The following SYCP1 variants were observed in gnomAD, a reference collection of about 807,000 sequenced individuals.
SYCP1 encodes the protein synaptonemal complex protein 1.
A neutral mutation model predicts 153.1 loss-of-function variants in SYCP1; 64 were observed. The ratio of observed to expected loss-of-function variants is 0.42; its 90% CI spans 0.34 to 0.51. The LOEUF (loss-of-function observed/expected upper bound fraction) is 0.51. Among genes scored for constraint, SYCP1 ranks in the 20% least tolerant of loss-of-function variants. SYCP1 has a pLI of 0.06. For missense variants in SYCP1, 997 were observed against 1,049.0 expected, an observed-to-expected ratio of 0.95 and a Z score of 0.68; for synonymous variants, 384 against 341.8, an observed-to-expected ratio of 1.12 and a Z score of -1.36.
intron 12 of SYCP1, among the ~76,000 whole-genome samples, chr1:114,879,790 C>T (rs532221455): frequency 3.2e-4 from 49 of 152,246 alleles, no homozygotes; most frequent in Middle Eastern, 3.4e-3. Flanking sequence ...TATGTATCTT[C>T]CACTTGTTTT....
intron 17 of SYCP1, among the ~76,000 whole-genome samples, chr1:114,910,889 A>G (rs1246391487): frequency 3.3e-5 from 5 of 152,128 alleles, no homozygotes; most frequent in Non-Finnish European, 7.4e-5. Flanking sequence ...CATCCCCTCA[A>G]GTAGCTAGGA....
At chr1:114,867,828 C>G (rs1224843839) in intron 8 of SYCP1, among the ~76,000 whole-genome samples, 1 of 151,794 alleles carries the variant, frequency 6.6e-6, no homozygotes, top group East Asian at 1.9e-4. Context: ...ACATCCTTGC[C>G]TTGTTCCTGA....
chr1:114,863,940 G>A (rs184890860), intron 8 of SYCP1, among the ~76,000 whole-genome samples: 2 of 151,214 alleles, frequency 1.3e-5, no homozygotes, highest in African/African-American at 4.9e-5. Context: ...CATGGACACA[G>A]GGAGGGGAAC....
intron 20 of SYCP1, among the ~76,000 whole-genome samples, chr1:114,922,312 C>T (rs958154898): frequency 6.6e-5 from 10 of 152,064 alleles, no homozygotes; most frequent in African/African-American, 2.4e-4. Flanking sequence ...GGCATGTCTA[C>T]TAGGCATTCT....
At position 114,874,549 on chromosome 1, in the gene SYCP1, A is replaced by C; in HGVS notation, c.642A>C (p.Leu214=). 6.3e-7 allele frequency: 1 copy of C among 1,577,312 alleles called. No homozygotes were observed. The highest frequency in any genetic ancestry group is 1.8e-5 in the Admixed American group (1 of 55,322). Residue 214 remains leucine (L), a synonymous_variant, in exon 9 of 32, where the codon CTA becomes CTC. Coordinates refer to ENST00000369522, the MANE Select transcript of SYCP1 (RefSeq NM_003176.4). ...AAACCAGGCAAGTTTATATGGATCT[A>C]AATAATAACATTGAGGTGAGTGTTA... ...REETRQVYMD[L]NNNIEKMITA...
intron 23 of SYCP1, among the ~76,000 whole-genome samples, chr1:114,941,820 A>G (rs1440708208): frequency 2.6e-5 from 4 of 152,162 alleles, no homozygotes; most frequent in Admixed American, 2.6e-4. Context: ...CTTAACACAT[A>G]CTTTTTCATG....
intron 27 of SYCP1, among the ~76,000 whole-genome samples, chr1:114,969,560 G>A (rs1178197910): frequency 6.6e-6 from 1 of 152,210 alleles, no homozygotes; most frequent in Non-Finnish European, 1.5e-5. Flanking sequence ...TTTGAAGCCA[G>A]TGGATCTTAG....
At chr1:114,958,852 C>T (rs1671605329) in intron 27 of SYCP1, among the ~76,000 whole-genome samples, 1 of 150,774 alleles carries the variant, frequency 6.6e-6, no homozygotes, top group South Asian at 2.1e-4. Flanking sequence ...ATGGCATGAA[C>T]CTGGGAGGTG....
chr1:114,984,830 G>T lies in SYCP1; in HGVS notation c.2665G>T (p.Asp889Tyr). Residue 889 changes from aspartate to tyrosine, a missense_variant, in exon 30 of 32, where the codon GAT becomes TAT. Transcript: ENST00000369522. Reference sequence around the variant, plus strand: ...AAAGAGAAAAATGGCCTTTGAATTTGATATTAATTCAGATAGTTCAGAAAC... The same window carrying T: ...AAAGAGAAAAATGGCCTTTGAATTTTATATTAATTCAGATAGTTCAGAAAC... The part of the protein sequence containing the change: ...KKKRKMAFEF[D>Y]INSDSSETTD... 6.7e-7 allele frequency: 1 copy of T among 1,483,956 alleles called. No individual in the cohort carries two copies. Among genetic ancestry groups the T allele is most frequent in the South Asian group, 1.4e-5 (1 of 72,150 alleles). 91.9% of individuals were successfully genotyped at this position (1,483,956 alleles called of 1,614,324 possible).
intron 27 of SYCP1, among the ~76,000 whole-genome samples, chr1:114,969,976 C>T (rs1454570168): frequency 6.6e-6 from 1 of 152,178 alleles, no homozygotes; most frequent in East Asian, 1.9e-4. Flanking sequence ...GGGCTGCACC[C>T]ACTGTCTAAC....
intron 11 of SYCP1, among the ~76,000 whole-genome samples, chr1:114,877,725 T>G (rs1160712619): frequency 6.6e-6 from 1 of 152,184 alleles, no homozygotes; most frequent in African/African-American, 2.4e-5. Flanking sequence ...TCTAAATTCT[T>G]GCTTGTGGAT....
chr1:114,979,899 T>A (rs1482315828), intron 28 of SYCP1, among the ~76,000 whole-genome samples: 1 of 151,902 alleles, frequency 6.6e-6, no homozygotes, highest in Admixed American at 6.6e-5. Flanking sequence ...CCTAGTTCAA[T>A]GATTTTTTTA....
intron 8 of SYCP1, among the ~76,000 whole-genome samples, chr1:114,869,200 C>G (rs1664955274): frequency 6.6e-6 from 1 of 152,038 alleles, no homozygotes. Flanking sequence ...TCAGTTTTTC[C>G]TGTATCGCAC....
At chr1:114,884,294 A>C (rs1005291766) in intron 12 of SYCP1, among the ~76,000 whole-genome samples, 2 of 152,094 alleles carry the variant, frequency 1.3e-5, no homozygotes, top group East Asian at 3.9e-4. Flanking sequence ...GTGTCATTCT[A>C]TCTCTTCTGT....
Position 114,991,960 on chromosome 1 carries a change from G to A in SYCP1, c.2704-2738G>A, listed in dbSNP as rs1673956116. ...ATAAATAAATTCAGCAAAGTTGTAG[G>A]GTACAATATCAACATACAAAAATTG... is the stretch of plus-strand genomic sequence containing the variant. On this transcript the variant is annotated intron_variant, in intron 30 of 31. Transcript: ENST00000369522. 2.0e-5 allele frequency among the ~76,000 whole-genome samples: 3 copies of A among 151,514 alleles called. 1 individual carries two copies. Among genetic ancestry groups the A allele is most frequent in the South Asian group, 4.2e-4 (2 of 4,792 alleles).
chr1:114,952,565 A>AT (rs1264837570), intron 27 of SYCP1, among the ~76,000 whole-genome samples: 12 of 152,174 alleles, frequency 7.9e-5, no homozygotes, highest in African/African-American at 2.7e-4. Context: ...TGTCCTTCAC[A>AT]TGGCAGCAGG....
intron 23 of SYCP1, among the ~76,000 whole-genome samples, chr1:114,930,038 A>G (rs563263251): frequency 1.3e-5 from 2 of 152,028 alleles, no homozygotes; most frequent in Non-Finnish European, 2.9e-5. Flanking sequence ...TAAGTATAAG[A>G]TATCTGGAAA....
chr1:114,896,893 G>A (rs940820113), intron 16 of SYCP1, among the ~76,000 whole-genome samples: 3 of 152,078 alleles, frequency 2.0e-5, no homozygotes, highest in African/African-American at 7.2e-5. Context: ...TTTATTTGGT[G>A]AAAAGTGAAA....
intron 8 of SYCP1, among the ~76,000 whole-genome samples, chr1:114,873,624 CA>C (rs1002005114): frequency 6.6e-6 from 1 of 152,158 alleles, no homozygotes; most frequent in Admixed American, 6.5e-5. Context: ...TGGTATAGTT[CA>C]AAACGGCTTT....
Sources: gnomAD v4.1 joint callset for allele counts (sites outside exome capture counted in the v4.1 genomes callset) on GRCh38, gnomAD v4.1.1 for gene constraint, MANE v1.5 for transcripts, NCBI Gene and HGNC (gene_info 2026-07-23, HGNC 2026-07-21) for gene names.